The following IL1RAPL2 variants were observed in gnomAD, a reference collection of about 807,000 sequenced individuals.
The protein encoded by IL1RAPL2 is interleukin 1 receptor accessory protein like 2.
A neutral mutation model predicts 44.1 loss-of-function variants in IL1RAPL2; 3 were observed. The ratio of observed to expected loss-of-function variants is 0.07; its 90% confidence interval spans 0.03 to 0.18. The LOEUF (loss-of-function observed/expected upper bound fraction) is 0.18. Among genes scored for constraint, IL1RAPL2 ranks in the 10% least tolerant of loss-of-function variants. The pLI is 1.00. For synonymous variants in IL1RAPL2, 181 were observed against 178.8 expected (o/e 1.01, Z -0.10); for missense variants, 391 against 496.4 (o/e 0.79, Z 2.02).
intron 2 of IL1RAPL2, among the ~76,000 whole-genome samples, chrX:104,750,867 A>G (rs1314018871): frequency 9.0e-6 from 1 of 110,690 alleles, no homozygotes; most frequent in Non-Finnish European, 1.9e-5. Context: ...CAGTTTTTAA[A>G]AACCCAAATT....
chrX:105,643,380 C>T (rs776517334), intron 6 of IL1RAPL2, among the ~76,000 whole-genome samples: 1 of 111,529 alleles, frequency 9.0e-6, no homozygotes, highest in African/African-American at 3.3e-5. Context: ...CTGGTTGAAA[C>T]GGGCAAGCAG....
chrX:105,204,991 A>T (rs1340187733), intron 3 of IL1RAPL2, among the ~76,000 whole-genome samples: 3 of 111,970 alleles, frequency 2.7e-5, no homozygotes, highest in Admixed American at 9.5e-5. Flanking sequence ...ATGAGAGATT[A>T]AAGTAATGGA....
intron 2 of IL1RAPL2, among the ~76,000 whole-genome samples, chrX:104,779,559 C>T (rs1168401327): frequency 8.9e-6 from 1 of 112,075 alleles, no homozygotes; most frequent in Non-Finnish European, 1.9e-5. Context: ...AATGGAATGT[C>T]TAGAATAATG....
At chrX:105,737,752 G>A (rs1173805094) in intron 7 of IL1RAPL2, among the ~76,000 whole-genome samples, 1 of 111,442 alleles carries the variant, frequency 9.0e-6, no homozygotes, top group Non-Finnish European at 1.9e-5. Flanking sequence ...AGGTTACACA[G>A]AGCTAAAATA....
chrX:105,529,332 T>C (rs1297922968), intron 6 of IL1RAPL2, among the ~76,000 whole-genome samples: 1 of 111,419 alleles, frequency 9.0e-6, no homozygotes, highest in African/African-American at 3.3e-5. Context: ...ATTAATAATC[T>C]GTTGGCAATG....
intron 2 of IL1RAPL2, among the ~76,000 whole-genome samples, chrX:104,893,673 A>T (rs1242705375): frequency 9.0e-6 from 1 of 111,368 alleles, no homozygotes; most frequent in Non-Finnish European, 1.9e-5. Flanking sequence ...TGTTGAGTCT[A>T]TGTGTGTTTC....
At chrX:105,639,889 C>T (rs1330063773) in intron 6 of IL1RAPL2, among the ~76,000 whole-genome samples, 2 of 111,029 alleles carry the variant, frequency 1.8e-5, no homozygotes, top group Admixed American at 9.6e-5. Flanking sequence ...TGACAAGTAC[C>T]GTATGGTCTC....
At chrX:104,987,452 G>T (rs1440244946) in intron 2 of IL1RAPL2, among the ~76,000 whole-genome samples, 1 of 108,992 alleles carries the variant, frequency 9.2e-6, no homozygotes. Flanking sequence ...AAAAAGACAA[G>T]GAACATTTAG....
At chrX:104,812,988 G>A (rs967567870) in intron 2 of IL1RAPL2, among the ~76,000 whole-genome samples, 2 of 111,893 alleles carry the variant, frequency 1.8e-5, no homozygotes, top group African/African-American at 6.5e-5. Flanking sequence ...AATGAGCAAG[G>A]CCCATGTTCT....
At chrX:105,658,650 C>CT (rs2037693751) in intron 6 of IL1RAPL2, among the ~76,000 whole-genome samples, 1 of 53 alleles carries the variant, frequency 0.019, no homozygotes, top group Non-Finnish European at 0.04. Context: ...CAGGGTGAAA[C>CT]CTGTCTCTAC....
chrX:105,636,548 C>T (rs1040458007), intron 6 of IL1RAPL2, among the ~76,000 whole-genome samples: 2 of 111,354 alleles, frequency 1.8e-5, no homozygotes, highest in African/African-American at 6.5e-5. Context: ...CCCTTAGATA[C>T]AGACAGATGT....
At chrX:104,995,552 G>T (rs138284538) in intron 2 of IL1RAPL2, among the ~76,000 whole-genome samples, 43 of 111,996 alleles carry the variant, frequency 3.8e-4, no homozygotes, top group African/African-American at 1.3e-3. Context: ...CAATGATCAA[G>T]AAAATGCAAG....
At chrX:105,155,676 T>C (rs191917188) in intron 2 of IL1RAPL2, among the ~76,000 whole-genome samples, 11 of 109,653 alleles carry the variant, frequency 1.0e-4, no homozygotes, top group Non-Finnish European at 1.9e-5. Flanking sequence ...GGTTAGGAGG[T>C]TGTAATAGGG....
intron 6 of IL1RAPL2, among the ~76,000 whole-genome samples, chrX:105,652,082 G>T (rs1268086438): frequency 1.8e-5 from 2 of 111,601 alleles, no homozygotes; most frequent in Admixed American, 9.5e-5. Context: ...GCTAGAAAGA[G>T]AAACTGTCAA....
chrX:105,514,323 C>T (rs766011232), intron 6 of IL1RAPL2, among the ~76,000 whole-genome samples: 3 of 111,267 alleles, frequency 2.7e-5, no homozygotes, highest in Non-Finnish European at 3.8e-5. Flanking sequence ...CCAATGTAAT[C>T]TAGACATGGG....
chrX:105,556,730 C>A (rs1022211040), intron 6 of IL1RAPL2, among the ~76,000 whole-genome samples: 1 of 111,738 alleles, frequency 8.9e-6, no homozygotes, highest in African/African-American at 3.2e-5. Context: ...TCAGCATTTT[C>A]TAGGAAAGGT....
intron 6 of IL1RAPL2, among the ~76,000 whole-genome samples, chrX:105,626,186 T>A (rs1417260660): frequency 8.9e-6 from 1 of 111,921 alleles, no homozygotes; most frequent in African/African-American, 3.2e-5. Context: ...CTTTGAAGCC[T>A]TGCTTTTTGT....
chrX:105,007,245 G>A (rs2030959175), intron 2 of IL1RAPL2, among the ~76,000 whole-genome samples: 1 of 111,189 alleles, frequency 9.0e-6, no homozygotes, highest in Admixed American at 9.6e-5. Context: ...CAGACTTGGG[G>A]GAAATTTAAA....
At chrX:105,029,385 A>C (rs2031438189) in intron 2 of IL1RAPL2, among the ~76,000 whole-genome samples, 1 of 88,912 alleles carries the variant, frequency 1.1e-5, no homozygotes, top group East Asian at 4.0e-4. Context: ...ATATCTCCAA[A>C]TGCTATCCCT....
Sources: gnomAD v4.1 joint callset for allele counts (sites outside exome capture counted in the v4.1 genomes callset) on GRCh38, gnomAD v4.1.1 for gene constraint, MANE v1.5 for transcripts, NCBI Gene and HGNC (gene_info 2026-07-23, HGNC 2026-07-21) for gene names.